SLC6A6: variants seen among roughly 807,000 people sequenced by gnomAD.
SLC6A6 encodes the protein solute carrier family 6 member 6.
A neutral mutation model predicts 68.8 loss-of-function variants in SLC6A6; 16 were observed. The observed-to-expected ratio is 0.23, with a 90% CI of 0.16 to 0.35. The LOEUF is 0.35. Ranked by LOEUF, SLC6A6 falls within the 10% of genes least tolerant of loss-of-function variation. The probability of loss-of-function intolerance (pLI) is 1.00; values close to 1 mark genes in which losing one functional copy is unlikely to be tolerated. For missense variants in SLC6A6, 474 were observed against 802.8 expected (o/e 0.59, Z 4.95); for synonymous variants, 312 against 315.4 (o/e 0.99, Z 0.12).
At chr3:14,466,958 C>G (rs893044773) in intron 7 of SLC6A6, among the ~76,000 whole-genome samples, 4 of 152,194 alleles carry the variant, frequency 2.6e-5, no homozygotes, top group African/African-American at 9.7e-5. Context: ...GCAAGTCTCC[C>G]GCTCGGACCC....
intron 5 of SLC6A6, among the ~76,000 whole-genome samples, chr3:14,456,417 A>G (rs1356781752): frequency 2.6e-5 from 4 of 152,180 alleles, no homozygotes; most frequent in African/African-American, 9.7e-5. Flanking sequence ...CATTCACTCA[A>G]CAGGTCTTTA....
At chr3:14,433,768 A>C (rs1428913937) in intron 2 of SLC6A6, among the ~76,000 whole-genome samples, 1 of 135,978 alleles carries the variant, frequency 7.4e-6, no homozygotes, top group Non-Finnish European at 1.5e-5. Context: ...CGCACCCTGC[A>C]CTCCAGCTTG....
In SLC6A6 at chr3:14,468,335, A is replaced by AC. The variant is rs35842831; in HGVS notation, c.1096+133dup. ...GGGACGAGCCTGGTTTCTAAAATGG[A>AC]CCCCCCCCCCGCCACCAAGATATCC... On this transcript the variant is annotated intron_variant, in intron 9 of 14. Transcript: ENST00000622186. The surrounding 1 kb of genome is among the most constrained non-coding windows in gnomAD (Gnocchi z 4.5). The AC allele has an allele frequency of 0.16, 91,034 of 584,892 alleles. 3,704 individuals are homozygous for AC. Among genetic ancestry groups the AC allele is most frequent in the African/African-American group, 0.35 (15,958 of 45,600 alleles). The allele number at this position is 584,892 out of a possible 1,614,324, so 36.2% of individuals were successfully genotyped here. A position where few individuals can be genotyped will look rare whatever the true frequency, so the allele number is the denominator to read the frequency against.
At chr3:14,441,138 T>C (rs983037193) in intron 2 of SLC6A6, among the ~76,000 whole-genome samples, 4 of 152,064 alleles carry the variant, frequency 2.6e-5, no homozygotes, top group African/African-American at 7.2e-5. Context: ...GAGCCGGGAC[T>C]CTCAGGGTAG....
At chr3:14,405,741 A>G (rs1699093557) in intron 1 of SLC6A6, among the ~76,000 whole-genome samples, 1 of 152,222 alleles carries the variant, frequency 6.6e-6, no homozygotes, top group Non-Finnish European at 1.5e-5. Flanking sequence ...CCTTCAAGTG[A>G]GAATGAGAGC....
At chr3:14,484,580 T>C (rs1189834427) in intron 14 of SLC6A6, among the ~76,000 whole-genome samples, 1 of 152,100 alleles carries the variant, frequency 6.6e-6, no homozygotes, top group Non-Finnish European at 1.5e-5. Flanking sequence ...AAAAAGCACA[T>C]GAAGGTTGAG....
At chr3:14,475,759 GGTTTGCTATAATTC>G (rs1700864404) in intron 10 of SLC6A6, among the ~76,000 whole-genome samples, 1 of 152,184 alleles carries the variant, frequency 6.6e-6, no homozygotes, top group South Asian at 2.1e-4. Flanking sequence ...TTGAGCTGCC[GGTTTGCTATAATTC>G]GGTGGCAATT....
At chr3:14,420,320 C>G (rs1447128153) in intron 2 of SLC6A6, among the ~76,000 whole-genome samples, 1 of 152,188 alleles carries the variant, frequency 6.6e-6, no homozygotes, top group Non-Finnish European at 1.5e-5. Flanking sequence ...GTAGTTCCAG[C>G]TACTCTGGAG....
At position 14,477,451 on chromosome 3, in the gene SLC6A6, C is replaced by A; in HGVS notation, c.1347+109C>A. 9.1e-7 allele frequency: 1 copy of A among 1,102,360 alleles called. No individual in the cohort carries two copies. Among genetic ancestry groups the A allele is most frequent in the Non-Finnish European group, 1.3e-6 (1 of 745,940 alleles). 68.3% of individuals were successfully genotyped at this position (1,102,360 alleles called of 1,614,324 possible). On this transcript the variant is annotated intron_variant, in intron 11 of 14. Coordinates refer to ENST00000622186, the MANE Select transcript of SLC6A6 (RefSeq NM_003043.6). The surrounding 1 kb of genome is among the most constrained non-coding windows in gnomAD (Gnocchi z 4.2). ...AGGGCCAGGTAGGGGCTTCATCTCC[C>A]AGCCCCACCCAATTCAGGGGTCCTG...
At position 14,466,597 on chromosome 3, in the gene SLC6A6, G is replaced by A. The variant is rs761829964; in HGVS notation, c.814G>A (p.Ala272Thr). 6.8e-5 allele frequency: 109 copies of A among 1,612,790 alleles called. No individual in the cohort carries two copies. Among genetic ancestry groups the A allele is most frequent in the Non-Finnish European group, 8.5e-5 (100 of 1,179,324 alleles). Residue 272 changes from alanine to threonine, a missense_variant, in exon 7 of 15, where the codon GCA becomes ACA. By Grantham distance (58) the Ala-to-Thr change is moderately conservative (BLOSUM62 0). Coordinates refer to ENST00000622186, the MANE Select transcript of SLC6A6 (RefSeq NM_003043.6). ...AGGGCTGACGCTGCCGGGCGCGGGCGCAGGCATCAAGTTCTATCTGTATCC... is the reference window on the plus strand; with the variant it reads ...AGGGCTGACGCTGCCGGGCGCGGGCACAGGCATCAAGTTCTATCTGTATCC... ...VRGLTLPGAG[A>T]GIKFYLYPDI...
At chr3:14,447,491 TG>T in intron 4 of SLC6A6, 90 bp from the exon 5 acceptor site, 3 of 1,542,272 alleles carry the variant, frequency 1.9e-6, no homozygotes, top group Non-Finnish European at 2.7e-6. Flanking sequence ...GCCTGGGGCC[TG>T]GGGATACCAT....
At chr3:14,452,112 C>T (rs538179325) in intron 5 of SLC6A6, among the ~76,000 whole-genome samples, 2 of 152,274 alleles carry the variant, frequency 1.3e-5, no homozygotes, top group South Asian at 4.1e-4. Context: ...AGGAAAGGTC[C>T]CTGTTGACCC....
rs1327398141 is a variant in SLC6A6, at chr3:14,487,863, C to T, written c.*2856C>T. 1 of 152,432 alleles carries T rather than the reference C, an allele frequency of 6.6e-6. No homozygotes were observed. The highest frequency in any genetic ancestry group is 1.5e-5 in the Non-Finnish European group (1 of 68,070). 9.4% of individuals were successfully genotyped at this position (152,432 alleles called of 1,614,324 possible). A position where few individuals can be genotyped will look rare whatever the true frequency, so the allele number is the denominator to read the frequency against. ...TAACCAGGGCTACATCCAGCAACATCCTCAAGGTCTTCCTGACAACCAAAG... is the reference window on the plus strand; with the variant it reads ...TAACCAGGGCTACATCCAGCAACATTCTCAAGGTCTTCCTGACAACCAAAG... On this transcript the variant is annotated 3_prime_UTR_variant, in exon 15 of 15. Transcript: ENST00000622186.
intron 14 of SLC6A6, among the ~76,000 whole-genome samples, chr3:14,483,793 T>C (rs1267895810): frequency 6.6e-6 from 1 of 152,138 alleles, no homozygotes; most frequent in Non-Finnish European, 1.5e-5. Flanking sequence ...GCAATCTTCT[T>C]TCCTCAGCCT....
At chr3:14,458,153 C>G in intron 6 of SLC6A6, 71 bp downstream of exon 6, 2 of 1,423,382 alleles carry the variant, frequency 1.4e-6, no homozygotes, top group Non-Finnish European at 2.0e-6. Flanking sequence ...CCCCACTTCC[C>G]GCCTGCAATT....
At chr3:14,446,799 A>G (rs1468113823) in intron 4 of SLC6A6, among the ~76,000 whole-genome samples, 1 of 152,248 alleles carries the variant, frequency 6.6e-6, no homozygotes, top group Non-Finnish European at 1.5e-5. Context: ...GTACACAGTC[A>G]GCATCAAATG....
Position 14,443,702 on chromosome 3 carries a change from G to A in SLC6A6, c.68G>A (p.Gly23Glu). The change falls in exon 3 of 15, where the codon GGG becomes GAG. Residue 23 changes from glycine to glutamate, a missense_variant. Coordinates refer to ENST00000622186, the MANE Select transcript of SLC6A6 (RefSeq NM_003043.6). ...AAGGACATCCTGAAGCCCTCACCAG[G>A]GAAGAGCCCAGGCACGCGGCCTGAG... ...FHKDILKPSP[G>E]KSPGTRPEDE... 6.2e-7 allele frequency: 1 copy of A among 1,614,194 alleles called. No individual in the cohort carries two copies. Among genetic ancestry groups the A allele is most frequent in the Non-Finnish European group, 8.5e-7 (1 of 1,180,024 alleles).
In SLC6A6 at chr3:14,485,170, G is replaced by T. The variant is rs191376598; in HGVS notation, c.*163G>T. Reference sequence around the variant, plus strand: ...GGTATGTGTGCGTGCGTGTGTGTGTGTGTGTGTATCGTGTGTGTGTGTTTT... The same window carrying T: ...GGTATGTGTGCGTGCGTGTGTGTGTTTGTGTGTATCGTGTGTGTGTGTTTT... On this transcript the variant is annotated 3_prime_UTR_variant, in exon 15 of 15. Transcript: ENST00000622186. 5.6e-5 allele frequency: 30 copies of T among 537,794 alleles called. No individual in the cohort carries two copies. The highest frequency in any genetic ancestry group is 7.4e-5 in the Non-Finnish European group (23 of 309,226). The allele number at this position is 537,794 out of a possible 1,614,324, so 33.3% of individuals were successfully genotyped here. A position where few individuals can be genotyped will look rare whatever the true frequency, so the allele number is the denominator to read the frequency against.
chr3:14,429,587 C>T (rs1017363076), intron 2 of SLC6A6, among the ~76,000 whole-genome samples: 1 of 152,216 alleles, frequency 6.6e-6, no homozygotes, highest in African/African-American at 2.4e-5. Context: ...GCCCAGGTGC[C>T]TCCCAGTTCA....
Sources: allele counts gnomAD v4.1 joint callset (sites outside exome capture counted in the v4.1 genomes callset), GRCh38; gene constraint gnomAD v4.1.1; non-coding constraint Gnocchi (gnomAD v3.1); transcripts MANE v1.5; gene names NCBI Gene and HGNC (gene_info 2026-07-23, HGNC 2026-07-21).